Variants in NMT1 observed in about 807,000 individuals in gnomAD.
NMT1 encodes glycylpeptide N-tetradecanoyltransferase 1.
In NMT1, 12 loss-of-function variants were observed where a neutral mutation model predicts 63.4. The ratio of observed to expected loss-of-function variants is 0.19; its 90% CI spans 0.12 to 0.31. NMT1 has a LOEUF of 0.31. NMT1 is among the 10% of genes least tolerant of loss of function. The probability of loss-of-function intolerance (pLI) is 1.00; values close to 1 mark genes in which losing one functional copy is unlikely to be tolerated. For missense variants in NMT1, 432 were observed against 634.6 expected, an observed-to-expected ratio of 0.68 and a Z score of 3.43; for synonymous variants, 228 against 234.3, an observed-to-expected ratio of 0.97 and a Z score of 0.25.
At chr17:45,090,151 G>A (rs2054078744) in intron 3 of NMT1, among the ~76,000 whole-genome samples, 1 of 151,494 alleles carries the variant, frequency 6.6e-6, no homozygotes, top group African/African-American at 2.4e-5. Context: ...AGACATGGTA[G>A]CACATGCCTA....
intron 3 of NMT1, among the ~76,000 whole-genome samples, chr17:45,090,106 G>C (rs2054078453): frequency 1.3e-5 from 2 of 151,830 alleles, no homozygotes; most frequent in Non-Finnish European, 2.9e-5. Context: ...AACAGGGAAA[G>C]ACCTCGTCTC....
intron 6 of NMT1, among the ~76,000 whole-genome samples, chr17:45,097,668 T>C (rs1171295660): frequency 6.6e-6 from 1 of 152,142 alleles, no homozygotes; most frequent in Non-Finnish European, 1.5e-5. Context: ...GAGGCTTTTC[T>C]TAGTCTCACT....
At chr17:45,099,791 G>C in intron 8 of NMT1, 1 of 413,652 alleles carries the variant, frequency 2.4e-6, no homozygotes, top group African/African-American at 2.0e-5. Context: ...TGTAATTTTA[G>C]CCTAAGTAAA....
chr17:45,093,834 G>A (rs374862567), intron 4 of NMT1, 31 bp downstream of exon 4: 19 of 1,552,860 alleles, frequency 1.2e-5, no homozygotes, highest in Non-Finnish European at 1.5e-5. Flanking sequence ...TTACACCTGC[G>A]GGTAGGAGCC....
At chr17:45,093,644 G>T in intron 3 of NMT1, 41 bp from the exon 4 acceptor site, 1 of 1,553,038 alleles carries the variant, frequency 6.4e-7, no homozygotes, top group Non-Finnish European at 8.9e-7. Context: ...ACTGCCCCGA[G>T]GGGGCAAAGG....
chr17:45,099,562 G>GA, intron 8 of NMT1, 49 bp downstream of exon 8: 1 of 1,352,060 alleles, frequency 7.4e-7, no homozygotes, highest in African/African-American at 1.4e-5. Context: ...AGGGCAAGGA[G>GA]AGCCTGGCTG....
In NMT1 at chr17:45,105,061, C is replaced by G; in HGVS notation, c.1470+65C>G. 1 of 1,603,192 alleles carries G rather than the reference C, an allele frequency of 6.2e-7. No homozygotes were observed. Among genetic ancestry groups the G allele is most frequent in the Non-Finnish European group, 8.5e-7 (1 of 1,173,374 alleles). ...GGGTGTCCATGTCTCCAGCAGAAAC[C>G]GGGCCATGGGTTGAGGAGACAGCCG... On this transcript the variant is annotated intron_variant, in intron 11 of 11. Coordinates refer to ENST00000258960, the MANE Select transcript of NMT1 (RefSeq NM_021079.5). This position sits in a 1 kb window ranked among gnomAD's most constrained non-coding sequence, Gnocchi z 4.2.
intron 4 of NMT1, among the ~76,000 whole-genome samples, chr17:45,095,372 T>G (rs1598016346): frequency 6.6e-6 from 1 of 152,186 alleles, no homozygotes; most frequent in South Asian, 2.1e-4. Context: ...CCTCCCAAAG[T>G]GCTGGGATTA....
chr17:45,096,337 T>C (rs1475794033), intron 5 of NMT1, 52 bp downstream of exon 5: 1 of 1,428,066 alleles, frequency 7.0e-7, no homozygotes, highest in Non-Finnish European at 9.9e-7. Context: ...ATAGAGCAGA[T>C]CCACCAGAGG....
Position 45,107,411 on chromosome 17 carries a change from G to T in NMT1, c.*1772G>T, listed in dbSNP as rs1567874283. The T allele has an allele frequency of 6.6e-6, 1 of 152,666 alleles. No homozygotes were observed. The highest frequency in any genetic ancestry group is 2.4e-5 in the African/African-American group (1 of 41,454). 9.5% of individuals were successfully genotyped at this position (152,666 alleles called of 1,614,324 possible). A position where few individuals can be genotyped will look rare whatever the true frequency, so the allele number is the denominator to read the frequency against. ...ATTGTTCCTGCGCTGCAAATTGCAG[G>T]CCCCAGCAATCGTGACTGACGTTTG... On this transcript the variant is annotated 3_prime_UTR_variant, in exon 12 of 12. Coordinates refer to ENST00000258960, the MANE Select transcript of NMT1 (RefSeq NM_021079.5).
chr17:45,068,816 T>C (rs1289172769), intron 1 of NMT1, among the ~76,000 whole-genome samples: 7 of 152,098 alleles, frequency 4.6e-5, no homozygotes, highest in African/African-American at 1.7e-4. Context: ...CCGGCTAATT[T>C]CTGTATTTTT....
At chr17:45,069,985 T>C (rs1321497760) in intron 1 of NMT1, among the ~76,000 whole-genome samples, 4 of 152,264 alleles carry the variant, frequency 2.6e-5, no homozygotes, top group African/African-American at 9.6e-5. Context: ...TGATTTTACC[T>C]TGGAGTTGCA....
chr17:45,090,931 C>T (rs1865278031), intron 3 of NMT1, among the ~76,000 whole-genome samples: 1 of 151,992 alleles, frequency 6.6e-6, no homozygotes, highest in South Asian at 2.1e-4. Context: ...GCAGGCTGCT[C>T]CCCACAGAGC....
In NMT1 at chr17:45,105,740, G is replaced by A. The variant is rs1053739; in HGVS notation, c.*101G>A. 395,026 of 1,213,860 alleles carry A rather than the reference G, an allele frequency of 0.33. 66,578 individuals carry two copies. The highest frequency in any genetic ancestry group is 0.49 in the East Asian group (19,871 of 40,942). 75.2% of individuals were successfully genotyped at this position (1,213,860 alleles called of 1,614,324 possible). A position where few individuals can be genotyped will look rare whatever the true frequency, so the allele number is the denominator to read the frequency against. On this transcript the variant is annotated 3_prime_UTR_variant, in exon 12 of 12. Coordinates refer to ENST00000258960, the MANE Select transcript of NMT1 (RefSeq NM_021079.5). The surrounding 1 kb of genome is among the most constrained non-coding windows in gnomAD (Gnocchi z 4.2). ...AATTTTCACACACGTGAGAATCCCT[G>A]GCAAAGGGAGCAGAACTGAACCGGC...
chr17:45,104,121 G>A lies in NMT1; in HGVS notation c.1332+245G>A. 1 of 1,401,540 alleles carries A rather than the reference G, an allele frequency of 7.1e-7. No individual in the cohort carries two copies. Among genetic ancestry groups the A allele is most frequent in the Non-Finnish European group, 9.3e-7 (1 of 1,072,602 alleles). 86.8% of individuals were successfully genotyped at this position (1,401,540 alleles called of 1,614,324 possible). On this transcript the variant is annotated intron_variant, in intron 10 of 11. Transcript: ENST00000258960. The surrounding 1 kb of genome is among the most constrained non-coding windows in gnomAD (Gnocchi z 4.2). ...ATTTCAGTGAGTTTCGTTCTCACAG[G>A]AGGCGCCACCAAGGAGCCTGAATAG...
At chr17:45,061,584 G>A in intron 1 of NMT1, 124 bp downstream of exon 1, 2 of 826,284 alleles carry the variant, frequency 2.4e-6, no homozygotes, top group Non-Finnish European at 3.7e-6. Flanking sequence ...TAAGTCACTA[G>A]GATTCTGCCT....
In NMT1 at chr17:45,107,526, C is replaced by G. The variant is rs2054210421; in HGVS notation, c.*1887C>G. 1 of 152,688 alleles carries G rather than the reference C, an allele frequency of 6.5e-6. No individual in the cohort carries two copies. Among genetic ancestry groups the G allele is most frequent in the African/African-American group, 2.4e-5 (1 of 41,464 alleles). 9.5% of individuals were successfully genotyped at this position (152,688 alleles called of 1,614,324 possible). A position where few individuals can be genotyped will look rare whatever the true frequency, so the allele number is the denominator to read the frequency against. On this transcript the variant is annotated 3_prime_UTR_variant, in exon 12 of 12. Transcript: ENST00000258960. The stretch of plus-strand genomic sequence containing the variant: ...CCACAGGTGGGAGGAGTCGGAGAGG[C>G]AGGGGCTTGCTTTGCAGCCCCACAG...
intron 1 of NMT1, among the ~76,000 whole-genome samples, chr17:45,070,511 G>A (rs1208542857): frequency 1.3e-5 from 2 of 152,150 alleles, no homozygotes. Context: ...TGCGTCTCCC[G>A]GGCTCACGCC....
chr17:45,098,287 A>G, intron 6 of NMT1, 95 bp from the exon 7 acceptor site: 1 of 1,182,320 alleles, frequency 8.5e-7, no homozygotes, highest in South Asian at 1.4e-5. Context: ...CGTGCTGCAG[A>G]CCTGGTCCTT....
Sources: gnomAD v4.1 joint callset for allele counts (sites outside exome capture counted in the v4.1 genomes callset) on GRCh38, gnomAD v4.1.1 for gene constraint, Gnocchi (gnomAD v3.1) non-coding constraint, MANE v1.5 for transcripts, NCBI Gene and HGNC (gene_info 2026-07-23, HGNC 2026-07-21) for gene names.